Variants in COASY observed in about 807,000 individuals in gnomAD.
COASY encodes bifunctional coenzyme A synthase.
A neutral mutation model predicts 49.4 loss-of-function variants in COASY; 31 were observed. That is an observed-to-expected ratio of 0.63 (90% CI 0.47 to 0.85). The LOEUF (loss-of-function observed/expected upper bound fraction) is 0.85. Ranked by LOEUF, COASY falls within the 40% of genes least tolerant of loss-of-function variation. COASY has a pLI of 0.00. For synonymous variants in COASY, 285 were observed against 310.9 expected, an observed-to-expected ratio of 0.92 and a Z score of 0.88; for missense variants, 730 against 734.1, an observed-to-expected ratio of 0.99 and a Z score of 0.06.
Position 42,565,733 on chromosome 17 carries a change from C to G in COASY, c.1560C>G (p.Ser520Arg), listed in dbSNP as rs1027060205. ...AAQSRLQSQM[S>R]GQQLVEQSHV... ...AAAGCCGGCTGCAGAGCCAGATGAG[C>G]GGGCAGCAGCTTGTGGAACAGAGCC... Residue 520 changes from serine (S) to arginine (R), a missense_variant, in exon 8 of 9, where the codon AGC becomes AGG. By Grantham distance (110) the Ser-to-Arg change is moderately radical. Coordinates refer to ENST00000393818, the MANE Select transcript of COASY (RefSeq NM_025233.7). 13 of 1,613,780 alleles carry G rather than the reference C, an allele frequency of 8.1e-6. No homozygotes were observed. The highest frequency in any genetic ancestry group is 1.7e-5 in the Admixed American group (1 of 60,006).
chr17:42,564,799 G>A lies in COASY; in HGVS notation c.1138G>A (p.Gly380Ser). 1.9e-6 allele frequency: 3 copies of A among 1,549,660 alleles called. No homozygotes were observed. Among genetic ancestry groups the A allele is most frequent in the Non-Finnish European group, 2.6e-6 (3 of 1,152,804 alleles). The stretch of plus-strand genomic sequence containing the variant: ...GAGCTCAATAGCTCAGCGACTGAAG[G>A]GCCTGGGGGCGTTTGTCATTGACAG... ...GKSSIAQRLK[G>S]LGAFVIDSDH... Residue 380 changes from glycine to serine, a missense_variant, in exon 4 of 9, where the codon GGC becomes AGC. Transcript: ENST00000393818.
At position 42,565,235 on chromosome 17, in the gene COASY, G is replaced by A. The variant is rs1321257755; in HGVS notation, c.1311G>A (p.Leu437=). ...TCTGTTCCCCTCCCCAGAAGCAGCT[G>A]AAGATACTCACGGACATTATGTGGC... is the stretch of plus-strand genomic sequence containing the variant. ...GSRVFGNKKQ[L]KILTDIMWPI... is the part of the protein sequence containing the mutation. The change falls in exon 6 of 9, where the codon CTG becomes CTA. Residue 437 remains leucine (L), a synonymous_variant. Transcript: ENST00000393818. 39 of 1,614,120 alleles carry A rather than the reference G, an allele frequency of 2.4e-5. No homozygotes were observed. Among genetic ancestry groups the A allele is most frequent in the Non-Finnish European group, 3.2e-5 (38 of 1,180,032 alleles).
In COASY at chr17:42,563,938, GTTC is replaced by G. The variant is rs759106341; in HGVS notation, c.701-18_701-16del. 16 of 1,572,870 alleles carry G rather than the reference GTTC, an allele frequency of 1.0e-5. No homozygotes were observed. The highest frequency in any genetic ancestry group is 2.7e-5 in the African/African-American group (2 of 73,932). ...TCCTCCCCAATAAAAAGATCTCACTGTTCTTCTGGGCTCCTTCCCCAGGCAAGT... is the reference window on the plus strand; with the variant it reads ...TCCTCCCCAATAAAAAGATCTCACTGTTCTGGGCTCCTTCCCCAGGCAAGT... On this transcript the variant is annotated intron_variant, in intron 1 of 8. Coordinates refer to ENST00000393818, the MANE Select transcript of COASY (RefSeq NM_025233.7).
rs2093001133 is a variant in COASY, at chr17:42,565,752, C to T, written c.1579C>T (p.Gln527Ter). The change falls in exon 8 of 9, where the codon CAG becomes TAG. Residue 527 changes from glutamine to a stop codon, truncating the protein, a stop_gained. Transcript: ENST00000393818. LOFTEE classifies it high-confidence loss of function. The part of the protein sequence containing the change: ...SQMSGQQLVE[Q>*]SHVVLSTLWE... Reference sequence around the variant, plus strand: ...GATGAGCGGGCAGCAGCTTGTGGAACAGAGCCACGTGGTGCTCAGCACCTT... The same window carrying T: ...GATGAGCGGGCAGCAGCTTGTGGAATAGAGCCACGTGGTGCTCAGCACCTT... 3 of 1,613,954 alleles carry T rather than the reference C, an allele frequency of 1.9e-6. No homozygotes were observed. The highest frequency in any genetic ancestry group is 1.7e-5 in the Admixed American group (1 of 60,032).
chr17:42,565,680 A>C lies in COASY; in HGVS notation c.1507A>C (p.Arg503=). The change falls in exon 8 of 9, where the codon AGG becomes CGG. Residue 503 remains arginine, a synonymous_variant. Coordinates refer to ENST00000393818, the MANE Select transcript of COASY (RefSeq NM_025233.7). The part of the protein sequence containing the change: ...ETEAVRRIVE[R]DGLSEAAAQS... ...TCAGGCTGTAAGACGCATTGTGGAGAGGGATGGCCTCAGTGAAGCCGCGGC... is the reference window on the plus strand; with the variant it reads ...TCAGGCTGTAAGACGCATTGTGGAGCGGGATGGCCTCAGTGAAGCCGCGGC... The C allele has an allele frequency of 6.2e-7, 1 of 1,614,044 alleles. No homozygotes were observed. Among genetic ancestry groups the C allele is most frequent in the East Asian group, 2.2e-5 (1 of 44,876 alleles).
chr17:42,565,432 A>G (rs753140799), intron 6 of COASY, 39 bp from the exon 7 acceptor site: 14 of 1,611,936 alleles, frequency 8.7e-6, no homozygotes, highest in Middle Eastern at 1.7e-4. Flanking sequence ...GCCTGGGAGA[A>G]CGTCGGCACT....
intron 5 of COASY, 44 bp downstream of exon 5, chr17:42,565,091 C>G: frequency 6.2e-7 from 1 of 1,603,372 alleles, no homozygotes; most frequent in Non-Finnish European, 8.5e-7. Flanking sequence ...CTACTAGACC[C>G]AGGGGTCAGG....
In COASY at chr17:42,563,003, C is replaced by T; in HGVS notation, c.381C>T (p.Asn127=). Residue 127 remains asparagine, a synonymous_variant, in exon 1 of 9, where the codon AAC becomes AAT. Transcript: ENST00000393818. ...AGACCCTGGATGGAAGCCAGTACAA[C>T]CCGGTCAAACAGCAGCTAGTGCGTT... ...DFQTLDGSQY[N]PVKQQLVRYA... is the part of the protein sequence containing the mutation. 1.9e-6 allele frequency: 3 copies of T among 1,614,164 alleles called. No individual in the cohort carries two copies. The South Asian group carries it at 3.3e-5, about 18-fold the overall frequency.
At position 42,565,658 on chromosome 17, in the gene COASY, G is replaced by A. The variant is rs775581049; in HGVS notation, c.1486-1G>A. On this transcript the variant is annotated splice_acceptor_variant, in intron 7 of 8. Coordinates refer to ENST00000393818, the MANE Select transcript of COASY (RefSeq NM_025233.7). LOFTEE classifies it high-confidence loss of function. ...CTGACAAATGTCTCGTCTGTGCTCA[G>A]GCTGTAAGACGCATTGTGGAGAGGG... 6.2e-7 allele frequency: 1 copy of A among 1,614,198 alleles called. No homozygotes were observed. Among genetic ancestry groups the A allele is most frequent in the Admixed American group, 1.7e-5 (1 of 60,024 alleles).
chr17:42,565,839 A>G (rs1426730209), intron 8 of COASY, 34 bp downstream of exon 8: 2 of 1,613,938 alleles, frequency 1.2e-6, no homozygotes, highest in South Asian at 1.1e-5. Context: ...GTTGTGGGGA[A>G]GGAGTCTCCA....
chr17:42,565,801 G>A lies in COASY; in HGVS notation c.1628G>A (p.Arg543His), dbSNP rs769272758. The A allele has an allele frequency of 4.4e-5, 71 of 1,613,762 alleles. No homozygotes were observed. The highest frequency in any genetic ancestry group is 5.2e-5 in the Non-Finnish European group (61 of 1,180,006). ...STLWEPHITQ[R>H]QVEKAWALLQ... Reference sequence around the variant, plus strand: ...TTGTGGGAGCCGCATATCACCCAACGCCAGGTTGGTGCCCAGGGCAAGGCC... The same window carrying A: ...TTGTGGGAGCCGCATATCACCCAACACCAGGTTGGTGCCCAGGGCAAGGCC... Residue 543 changes from arginine (R) to histidine (H), a missense_variant, in exon 8 of 9, where the codon CGC becomes CAC. Arg to His is a conservative substitution (Grantham distance 29). Coordinates refer to ENST00000393818, the MANE Select transcript of COASY (RefSeq NM_025233.7).
At position 42,565,211 on chromosome 17, in the gene COASY, C is replaced by G; in HGVS notation, c.1303-16C>G. On this transcript the variant is annotated splice_polypyrimidine_tract_variant and intron_variant, in intron 5 of 8. Transcript: ENST00000393818. ...TTCTAGAGAAGGTAACCTCTGCCCTCTGTTCCCCTCCCCAGAAGCAGCTGA... is the reference window on the plus strand; with the variant it reads ...TTCTAGAGAAGGTAACCTCTGCCCTGTGTTCCCCTCCCCAGAAGCAGCTGA... 6.2e-7 allele frequency: 1 copy of G among 1,613,758 alleles called. No homozygotes were observed. Among genetic ancestry groups the G allele is most frequent in the Non-Finnish European group, 8.5e-7 (1 of 1,179,722 alleles).
In COASY at chr17:42,562,162, G is replaced by C; in HGVS notation, c.-461G>C. On this transcript the variant is annotated 5_prime_UTR_variant, in exon 1 of 9. Coordinates refer to ENST00000393818, the MANE Select transcript of COASY (RefSeq NM_025233.7). ...GCGGTTTCTCCGTTAGTGCTTCCGG[G>C]TTGCAGCCAGGGAAGCCTCCGCGGT... 1 of 483,420 alleles carries C rather than the reference G, an allele frequency of 2.1e-6. No homozygotes were observed. The highest frequency in any genetic ancestry group is 3.7e-6 in the Non-Finnish European group (1 of 272,036). 29.9% of individuals were successfully genotyped at this position (483,420 alleles called of 1,614,324 possible). A position where few individuals can be genotyped will look rare whatever the true frequency, so the allele number is the denominator to read the frequency against.
Position 42,564,583 on chromosome 17 carries a change from C to T in COASY, c.1047+6C>T, listed in dbSNP as rs34135057. On this transcript the variant is annotated splice_donor_region_variant and intron_variant, in intron 3 of 8. Transcript: ENST00000393818. ...ACCTGCTTCGGCCTCCATATGTAAG[C>T]TCCTCTCCCTCCTTCCCTCCTGCTT... 1.9e-5 allele frequency: 31 copies of T among 1,605,690 alleles called. No homozygotes were observed. In the African/African-American group the frequency reaches 3.2e-4, roughly 17 times the overall value.
intron 1 of COASY, 87 bp downstream of exon 1, chr17:42,563,409 G>A: frequency 7.8e-7 from 1 of 1,282,420 alleles, no homozygotes; most frequent in Non-Finnish European, 1.1e-6. Context: ...GAAGGGTAGG[G>A]CCATTCATTA....
In COASY at chr17:42,562,969, C is replaced by T. The variant is rs1180114434; in HGVS notation, c.347C>T (p.Thr116Ile). The change falls in exon 1 of 9, where the codon ACA becomes ATA. Residue 116 changes from threonine to isoleucine, a missense_variant. By Grantham distance (89) the Thr-to-Ile change is moderately conservative. Coordinates refer to ENST00000393818, the MANE Select transcript of COASY (RefSeq NM_025233.7). ...GCCCACCCGCCAGAAGTCGTGTTGA[C>T]AGATTTCCAGACCCTGGATGGAAGC... is the stretch of plus-strand genomic sequence containing the variant. ...NLAHPPEVVL[T>I]DFQTLDGSQY... 1 of 1,614,088 alleles carries T rather than the reference C, an allele frequency of 6.2e-7. No homozygotes were observed. Among genetic ancestry groups the T allele is most frequent in the South Asian group, 1.1e-5 (1 of 91,088 alleles).
chr17:42,562,663 C>T lies in COASY; in HGVS notation c.41C>T (p.Pro14Leu), dbSNP rs571068316. Residue 14 changes from proline (P) to leucine (L), a missense_variant, in exon 1 of 9, where the codon CCG becomes CTG. Physicochemically the swap from Pro to Leu is moderately conservative, Grantham distance 98. Coordinates refer to ENST00000393818, the MANE Select transcript of COASY (RefSeq NM_025233.7). ...FRSGLLVLTT[P>L]LASLAPRLAS... is the part of the protein sequence containing the mutation. ...TCGGGTCTCCTGGTGCTGACGACGC[C>T]GCTGGCCTCCCTAGCCCCTCGCCTG... The T allele has an allele frequency of 1.3e-6, 2 of 1,524,176 alleles. No homozygotes were observed. Among genetic ancestry groups the T allele is most frequent in the South Asian group, 1.3e-5 (1 of 78,872 alleles). The allele number at this position is 1,524,176 out of a possible 1,614,324, so 94.4% of individuals were successfully genotyped here.
chr17:42,563,274 G>T lies in COASY; in HGVS notation c.652G>T (p.Ala218Ser). Residue 218 changes from alanine (A) to serine (S), a missense_variant, in exon 1 of 9, where the codon GCC (alanine) becomes TCC (serine). Physicochemically the swap from Ala to Ser is moderately conservative, Grantham distance 99 (BLOSUM62 1). Transcript: ENST00000393818. ...GTTGCTCAGTGTCGCGTGCATCCTG[G>T]CCCAGGAGCAGCTTGTGGTGGGAGT... ...KVLLSVACIL[A>S]QEQLVVGVAD... 1 of 1,607,804 alleles carries T rather than the reference G, an allele frequency of 6.2e-7. No homozygotes were observed.
At position 42,565,474 on chromosome 17, in the gene COASY, A is replaced by G. The variant is rs771124897; in HGVS notation, c.1391A>G (p.Lys464Arg). 2 of 1,614,104 alleles carry G rather than the reference A, an allele frequency of 1.2e-6. No individual in the cohort carries two copies. Among genetic ancestry groups the G allele is most frequent in the Non-Finnish European group, 1.7e-6 (2 of 1,179,972 alleles). ...EEMDRAVAEGKRVCVIDAAVL... is the reference protein window; with the variant it reads ...EEMDRAVAEGRRVCVIDAAVL... ...GGTGACTGGGGTCTCCCCACAGGAAAGCGTGTGTGTGTGATTGATGCCGCT... is the reference window on the plus strand; with the variant it reads ...GGTGACTGGGGTCTCCCCACAGGAAGGCGTGTGTGTGTGATTGATGCCGCT... Residue 464 changes from lysine to arginine, a missense_variant, in exon 7 of 9, where the codon AAG becomes AGG. Transcript: ENST00000393818.
Sources: gnomAD v4.1 joint callset for allele counts on GRCh38, gnomAD v4.1.1 for gene constraint, MANE v1.5 for transcripts, NCBI Gene and HGNC (gene_info 2026-07-23, HGNC 2026-07-21) for gene names.